The following NOMO2 variants were observed in gnomAD, a reference collection of about 807,000 sequenced individuals.
NOMO2 encodes the protein NODAL modulator 2, also known as BOS complex subunit NOMO2.
In NOMO2, 14 loss-of-function variants were observed where a neutral mutation model predicts 67.1. That is an observed-to-expected ratio of 0.21 (90% confidence interval 0.14 to 0.33). The LOEUF (loss-of-function observed/expected upper bound fraction) is 0.33, where lower values mean the gene tolerates loss of function less well. Among genes scored for constraint, NOMO2 ranks in the 10% least tolerant of loss-of-function variants. The pLI is 1.00. For missense variants in NOMO2, 178 were observed against 761.0 expected, an observed-to-expected ratio of 0.23 and a Z score of 9.01; for synonymous variants, 80 against 305.9, an observed-to-expected ratio of 0.26 and a Z score of 7.71.
At chr16:18,539,384 A>G (rs904769184) in intron 9 of NOMO2, among the ~76,000 whole-genome samples, 1 of 151,702 alleles carries the variant, frequency 6.6e-6, no homozygotes, top group African/African-American at 2.4e-5. Flanking sequence ...AGCATCGATC[A>G]GTCCTGTGGA....
At chr16:18,560,496 T>C (rs1902013358) in intron 1 of NOMO2, among the ~76,000 whole-genome samples, 1 of 151,628 alleles carries the variant, frequency 6.6e-6, no homozygotes, top group African/African-American at 2.4e-5. Flanking sequence ...GAACGTGTCC[T>C]GTCCCCAGTG....
chr16:18,535,610 C>G (rs2434753), intron 11 of NOMO2, among the ~76,000 whole-genome samples: 23 of 152,066 alleles, frequency 1.5e-4, no homozygotes, highest in East Asian at 3.9e-4. Context: ...TCTACTCCTC[C>G]CTCCCTCGCC....
intron 15 of NOMO2, among the ~76,000 whole-genome samples, chr16:18,528,541 C>T (rs1378395266): frequency 1.3e-4 from 19 of 151,904 alleles, no homozygotes; most frequent in Non-Finnish European, 1.0e-4. Context: ...AGAAAATTCA[C>T]GAAGGGATCT....
chr16:18,529,260 C>T (rs1335398094), intron 15 of NOMO2: 4 of 622,016 alleles, frequency 6.4e-6, no homozygotes, highest in East Asian at 5.6e-5. Context: ...AAGGTCACCC[C>T]GAATCACCAG....
intron 3 of NOMO2, among the ~76,000 whole-genome samples, chr16:18,554,549 C>T (rs1901862105): frequency 6.7e-6 from 1 of 150,328 alleles, no homozygotes; most frequent in Non-Finnish European, 1.5e-5. Context: ...ATGAGTGAAA[C>T]TGCAAGGGAA....
intron 1 of NOMO2, chr16:18,558,802 C>T (rs779926716): frequency 1.5e-5 from 7 of 454,894 alleles, no homozygotes; most frequent in African/African-American, 1.2e-4. Flanking sequence ...GACACAGAGC[C>T]GCTCCTTTTC....
At chr16:18,545,449 A>G (rs1019049564) in intron 6 of NOMO2, among the ~76,000 whole-genome samples, 1 of 151,884 alleles carries the variant, frequency 6.6e-6, no homozygotes, top group East Asian at 1.9e-4. Flanking sequence ...CCCCAAAACC[A>G]AAAGTCATAA....
At chr16:18,543,181 A>ATTTTT (rs71374409) in intron 7 of NOMO2, among the ~76,000 whole-genome samples, 5 of 135,032 alleles carry the variant, frequency 3.7e-5, no homozygotes, top group African/African-American at 1.4e-4. Context: ...ATATTCTTGA[A>ATTTTT]TTTTTTTTTT....
At chr16:18,528,883 G>A (rs1329085256) in intron 15 of NOMO2, among the ~76,000 whole-genome samples, 5 of 145,972 alleles carry the variant, frequency 3.4e-5, no homozygotes, top group East Asian at 2.0e-4. Context: ...CAGGAGAATC[G>A]CTTGAACTCG....
At chr16:18,556,327 G>T (rs1382870339) in intron 2 of NOMO2, among the ~76,000 whole-genome samples, 1 of 151,882 alleles carries the variant, frequency 6.6e-6, no homozygotes, top group Non-Finnish European at 1.5e-5. Flanking sequence ...GGTGGTGGGT[G>T]CCTGTAATCC....
intron 6 of NOMO2, among the ~76,000 whole-genome samples, chr16:18,545,181 C>A (rs1901638739): frequency 1.3e-5 from 2 of 149,500 alleles, no homozygotes; most frequent in African/African-American, 4.9e-5. Flanking sequence ...CTGCTACCTC[C>A]CCCTCCCAGG....
At chr16:18,557,674 T>C (rs1413593744) in intron 2 of NOMO2, 28 bp downstream of exon 2, 2 of 1,611,694 alleles carry the variant, frequency 1.2e-6, no homozygotes, top group South Asian at 1.1e-5. Context: ...TGACTTCCCA[T>C]CATAAGTGAC....
At chr16:18,547,502 C>T (rs915374444) in intron 5 of NOMO2, among the ~76,000 whole-genome samples, 1 of 151,948 alleles carries the variant, frequency 6.6e-6, no homozygotes, top group African/African-American at 2.4e-5. Flanking sequence ...TACTGTGTGT[C>T]AAGAGGGGTG....
At position 18,536,189 on chromosome 16, in the gene NOMO2, C is replaced by T. The variant is rs561276271; in HGVS notation, c.1220+2337G>A. On this transcript the variant is annotated intron_variant, in intron 11 of 30. Transcript: ENST00000622306. The stretch of plus-strand genomic sequence containing the variant: ...ACAAGGCCCCAGAGCTCCCTGACCT[C>T]ACCCACCTCCTCCAGCTGCGCAGAC... 8.6e-4 allele frequency among the ~76,000 whole-genome samples: 131 copies of T among 152,256 alleles called. 1 individual carries two copies. Among genetic ancestry groups the T allele is most frequent in the Admixed American group, 2.2e-3 (33 of 15,294 alleles).
chr16:18,556,815 T>C (rs1373551737), intron 2 of NOMO2, among the ~76,000 whole-genome samples: 1 of 152,038 alleles, frequency 6.6e-6, no homozygotes. Context: ...AAGCAATCTG[T>C]TAGGATGCCC....
At chr16:18,528,229 T>G (rs1356282456) in intron 15 of NOMO2, among the ~76,000 whole-genome samples, 37 of 113,116 alleles carry the variant, frequency 3.3e-4, no homozygotes, top group Admixed American at 1.3e-3. Context: ...GAGGGGACAG[T>G]GGGAGGAGAT....
chr16:18,559,464 A>T (rs71236676), intron 1 of NOMO2, among the ~76,000 whole-genome samples: 2 of 151,994 alleles, frequency 1.3e-5, no homozygotes, highest in Admixed American at 6.6e-5. Flanking sequence ...CCAGCTAAGA[A>T]GATGTACAAA....
chr16:18,531,877 G>T (rs1402608234), intron 12 of NOMO2, among the ~76,000 whole-genome samples: 1 of 152,054 alleles, frequency 6.6e-6, no homozygotes, highest in South Asian at 2.1e-4. Flanking sequence ...CCCGCAACGC[G>T]GACACGCCTC....
intron 11 of NOMO2, among the ~76,000 whole-genome samples, chr16:18,535,294 G>C (rs1901391662): frequency 1.3e-5 from 2 of 151,464 alleles, no homozygotes; most frequent in East Asian, 3.9e-4. Flanking sequence ...TCCAGCCTGG[G>C]CAACGGAGTA....
Sources: allele counts gnomAD v4.1 joint callset (sites outside exome capture counted in the v4.1 genomes callset), GRCh38; gene constraint gnomAD v4.1.1; transcripts MANE v1.5; gene names NCBI Gene and HGNC (gene_info 2026-07-23, HGNC 2026-07-21).